Variants in ADGRD1 observed in about 807,000 individuals in gnomAD.
The protein encoded by ADGRD1 is G-protein coupled receptor 133.
ADGRD1 carries 77 observed loss-of-function variants against 113.4 expected under a neutral mutation model. The observed-to-expected ratio is 0.68, with a 90% CI of 0.57 to 0.82. The LOEUF (loss-of-function observed/expected upper bound fraction) is 0.82, where lower values mean the gene tolerates loss of function less well. Ranked by LOEUF, ADGRD1 falls within the 40% of genes least tolerant of loss-of-function variation. The pLI is 0.00. For missense variants in ADGRD1, 1,036 were observed against 1,139.1 expected (o/e 0.91, Z 1.30); for synonymous variants, 474 against 475.0 (o/e 1.00, Z 0.03).
At chr12:131,137,426 G>A (rs974057686) in intron 23 of ADGRD1, among the ~76,000 whole-genome samples, 2 of 152,364 alleles carry the variant, frequency 1.3e-5, no homozygotes, top group South Asian at 2.1e-4. Flanking sequence ...TATTCTTTCG[G>A]TGCTGCTCTG....
Position 131,075,405 on chromosome 12 carries a change from A to G in ADGRD1, c.1474-1396A>G, listed in dbSNP as rs1593168513. 1.3e-5 allele frequency among the ~76,000 whole-genome samples: 2 copies of G among 152,110 alleles called. No homozygotes were observed. Among genetic ancestry groups the G allele is most frequent in the South Asian group, 2.1e-4 (1 of 4,812 alleles). On this transcript the variant is annotated intron_variant, in intron 13 of 24. Transcript: ENST00000261654. This position sits in a 1 kb window ranked among gnomAD's most constrained non-coding sequence, Gnocchi z 5.3. ...ACACAGGGCCCTCTGTTGTCTGTGC[A>G]AGAGTTCACAGCAGGCTGTGGCTTT...
intron 13 of ADGRD1, among the ~76,000 whole-genome samples, chr12:131,033,341 C>A (rs1236714846): frequency 6.6e-6 from 1 of 152,208 alleles, no homozygotes; most frequent in Non-Finnish European, 1.5e-5. Context: ...GGGTGCCCTT[C>A]CATCATGCAC....
intron 15 of ADGRD1, among the ~76,000 whole-genome samples, chr12:131,102,524 G>A (rs1347506527): frequency 6.6e-6 from 1 of 152,218 alleles, no homozygotes; most frequent in Non-Finnish European, 1.5e-5. Flanking sequence ...GGAGGCCCCT[G>A]TTCGCCCACA....
chr12:130,996,263 T>A (rs1163012123), intron 8 of ADGRD1, among the ~76,000 whole-genome samples: 1 of 144,896 alleles, frequency 6.9e-6, no homozygotes, highest in Admixed American at 6.9e-5. Context: ...GCGATTGTCA[T>A]CCTGGCCCGT....
intron 13 of ADGRD1, among the ~76,000 whole-genome samples, chr12:131,018,105 G>A (rs982841037): frequency 1.3e-5 from 2 of 152,202 alleles, no homozygotes; most frequent in Non-Finnish European, 2.9e-5. Context: ...GATTTGTTTT[G>A]TCTGGTATGG....
intron 14 of ADGRD1, among the ~76,000 whole-genome samples, chr12:131,081,617 A>C (rs1886076191): frequency 6.6e-6 from 1 of 152,110 alleles, no homozygotes; most frequent in African/African-American, 2.4e-5. Context: ...AGTACATTTC[A>C]CCTTTGTACA....
rs760645751 is a variant in ADGRD1, at chr12:131,096,182, A to G, written c.1672-8649A>G. On this transcript the variant is annotated intron_variant, in intron 15 of 24. Coordinates refer to ENST00000261654, the MANE Select transcript of ADGRD1 (RefSeq NM_198827.5). The surrounding 1 kb of genome is among the most constrained non-coding windows in gnomAD (Gnocchi z 5.2). ...TGTTTTTAAAATTTTCTGTACCTCA[A>G]TGGATGCAAACCTTCCTTTAAACAA... Among the ~76,000 whole-genome samples the G allele has an allele frequency of 2.0e-5, 3 of 152,184 alleles. No individual in the cohort carries two copies. The highest frequency in any genetic ancestry group is 3.8e-4 in the East Asian group (2 of 5,196).
intron 14 of ADGRD1, among the ~76,000 whole-genome samples, chr12:131,079,261 G>A (rs904837609): frequency 2.2e-4 from 34 of 152,252 alleles, no homozygotes; most frequent in East Asian, 1.5e-3. Flanking sequence ...ATCTTCTCCC[G>A]AGTAGAGGAA....
At chr12:131,135,893 G>A (rs1005625080) in intron 21 of ADGRD1, 144 bp from the exon 22 acceptor site, 4 of 756,040 alleles carry the variant, frequency 5.3e-6, no homozygotes, top group African/African-American at 5.2e-5. Context: ...CCTCAACCAG[G>A]GCTACCTGCA....
intron 13 of ADGRD1, among the ~76,000 whole-genome samples, chr12:131,059,361 A>G (rs550421994): frequency 1.4e-3 from 214 of 152,142 alleles, no homozygotes; most frequent in Non-Finnish European, 2.1e-3. Flanking sequence ...TTGTATTTTT[A>G]GTAGAGATGG....
chr12:131,029,902 T>A (rs762339832), intron 13 of ADGRD1, among the ~76,000 whole-genome samples: 3 of 94,942 alleles, frequency 3.2e-5, no homozygotes, highest in African/African-American at 1.3e-4. Context: ...GACCCCTCGT[T>A]CGGTGACATT....
At chr12:130,979,817 T>TCACACACACACACACACACACA (rs10526212) in intron 4 of ADGRD1, among the ~76,000 whole-genome samples, 20 of 53,838 alleles carry the variant, frequency 3.7e-4, no homozygotes, top group East Asian at 1.7e-3. Flanking sequence ...AGCTAGTGTC[T>TCACACACACACACACACACACA]CACACACACA....
chr12:131,109,864 A>G (rs969038576), intron 18 of ADGRD1, among the ~76,000 whole-genome samples: 5 of 152,132 alleles, frequency 3.3e-5, no homozygotes, highest in African/African-American at 9.7e-5. Context: ...TCTCCCTTCA[A>G]TTTGTTGATG....
intron 4 of ADGRD1, chr12:130,976,838 A>G (rs1872372695): frequency 6.6e-6 from 1 of 151,462 alleles, no homozygotes; most frequent in Admixed American, 6.6e-5. Flanking sequence ...CCTGGGCACC[A>G]CAGGAAGACC....
intron 2 of ADGRD1, among the ~76,000 whole-genome samples, chr12:130,960,055 C>T (rs1032731920): frequency 1.3e-5 from 2 of 152,214 alleles, no homozygotes; most frequent in African/African-American, 4.8e-5. Context: ...CCCCAGGGGA[C>T]AGCCTTATGA....
chr12:131,042,177 T>C (rs1480512109), intron 13 of ADGRD1, among the ~76,000 whole-genome samples: 1 of 152,266 alleles, frequency 6.6e-6, no homozygotes, highest in Non-Finnish European at 1.5e-5. Context: ...AGTTATGAAC[T>C]GTCCCAATTT....
Position 130,965,380 on chromosome 12 carries a change from G to C in ADGRD1, c.104-1083G>C, listed in dbSNP as rs898020561. 1.3e-5 allele frequency among the ~76,000 whole-genome samples: 2 copies of C among 151,978 alleles called. No homozygotes were observed. The highest frequency in any genetic ancestry group is 2.9e-5 in the Non-Finnish European group (2 of 67,982). On this transcript the variant is annotated intron_variant, in intron 2 of 24. Transcript: ENST00000261654. The surrounding 1 kb of genome is among the most constrained non-coding windows in gnomAD (Gnocchi z 4.8). Reference sequence around the variant, plus strand: ...GATCTTATTATCTCCTCTTTAAAAAGTATTTTTTTTAAAAAAACAAGGACT... The same window carrying C: ...GATCTTATTATCTCCTCTTTAAAAACTATTTTTTTTAAAAAAACAAGGACT...
chr12:131,019,393 G>A (rs563694689), intron 13 of ADGRD1, among the ~76,000 whole-genome samples: 16 of 152,296 alleles, frequency 1.1e-4, no homozygotes, highest in African/African-American at 3.4e-4. Flanking sequence ...GGGACGCCAG[G>A]GGTTTTCGAC....
chr12:131,101,973 C>A (rs2137309062), intron 15 of ADGRD1, among the ~76,000 whole-genome samples: 1 of 152,340 alleles, frequency 6.6e-6, no homozygotes, highest in Non-Finnish European at 1.5e-5. Context: ...CATTGGGTCT[C>A]TTCCCTTCCT....
Sources: gnomAD v4.1 joint callset for allele counts (sites outside exome capture counted in the v4.1 genomes callset) on GRCh38, gnomAD v4.1.1 for gene constraint, Gnocchi (gnomAD v3.1) non-coding constraint, MANE v1.5 for transcripts, NCBI Gene and HGNC (gene_info 2026-07-23, HGNC 2026-07-21) for gene names.